SHMT2: variants seen among roughly 807,000 people sequenced by gnomAD.
SHMT2 encodes the protein serine hydroxymethyltransferase, mitochondrial.
Under a neutral mutation model 59.6 loss-of-function variants are expected in SHMT2, and 38 were observed. The observed-to-expected ratio is 0.64, with a 90% CI of 0.49 to 0.84. The LOEUF (loss-of-function observed/expected upper bound fraction) is 0.84. Ranked by LOEUF, SHMT2 falls within the 40% of genes least tolerant of loss-of-function variation. The pLI is 0.00. For missense variants in SHMT2, 533 were observed against 659.5 expected (o/e 0.81, Z 2.10); for synonymous variants, 254 against 258.1 (o/e 0.98, Z 0.15).
chr12:57,231,227 TTC>T (rs2037303917), intron 2 of SHMT2: 6 of 620,570 alleles, frequency 9.7e-6, no homozygotes, highest in South Asian at 6.0e-5. Context: ...GATCCCTTCC[TTC>T]CTTCCTCCTA....
chr12:57,232,969 G>A (rs988803830), intron 7 of SHMT2, 126 bp downstream of exon 7: 46 of 1,379,386 alleles, frequency 3.3e-5, no homozygotes, highest in Admixed American at 1.8e-4. Flanking sequence ...CCCAGTCTGT[G>A]AGAGTTCTCC....
Position 57,231,438 on chromosome 12 carries a change from G to A in SHMT2, c.232-43G>A, listed in dbSNP as rs2037313519. ...AGGGAGGGACTGTGGGAGTCCAGGG[G>A]AAGGGGCTCAATACCTTCTGACATT... On this transcript the variant is annotated intron_variant, in intron 2 of 11. Coordinates refer to ENST00000328923, the MANE Select transcript of SHMT2 (RefSeq NM_005412.6). 7 of 1,598,692 alleles carry A rather than the reference G, an allele frequency of 4.4e-6. No homozygotes were observed. The East Asian group carries it at 1.6e-4, about 36-fold the overall frequency.
rs1257829599 is a variant in SHMT2, at chr12:57,231,298, C to T, written c.232-183C>T. On this transcript the variant is annotated intron_variant, in intron 2 of 11. Transcript: ENST00000328923. ...GTGGGTAGGTGGCATTGAGGGGCCA[C>T]TGCTCATGGCAGATGGGTTTCTGAG... 1.9e-5 allele frequency: 13 copies of T among 667,546 alleles called. No individual in the cohort carries two copies. The East Asian group carries it at 3.5e-4, about 18-fold the overall frequency. The allele number at this position is 667,546 out of a possible 1,614,324, so 41.4% of individuals were successfully genotyped here. A position where few individuals can be genotyped will look rare whatever the true frequency, so the allele number is the denominator to read the frequency against.
At chr12:57,230,544 G>A in intron 1 of SHMT2, 1 of 1,360,780 alleles carries the variant, frequency 7.3e-7, no homozygotes, top group Non-Finnish European at 9.5e-7. Flanking sequence ...GCTTTGCAGA[G>A]TGGTTCATGG....
intron 4 of SHMT2, 36 bp downstream of exon 4, chr12:57,231,949 C>A (rs781698325): frequency 3.2e-6 from 5 of 1,572,750 alleles, no homozygotes; most frequent in Non-Finnish European, 4.3e-6. Context: ...GTCTTGGCGG[C>A]AGGATTGGTG....
intron 5 of SHMT2, 80 bp downstream of exon 5, chr12:57,232,372 C>A: frequency 1.9e-6 from 3 of 1,613,480 alleles, no homozygotes; most frequent in Non-Finnish European, 2.5e-6. Context: ...CCTGGAGCGC[C>A]GGGCCGTCCT....
chr12:57,233,241 A>T lies in SHMT2; in HGVS notation c.919A>T (p.Ile307Phe). The T allele has an allele frequency of 6.2e-7, 1 of 1,607,442 alleles. No homozygotes were observed. The highest frequency in any genetic ancestry group is 8.5e-7 in the Non-Finnish European group (1 of 1,175,958). Reference protein sequence around the residue: ...KAVDPKTGREIPYTFEDRINF... With the variant: ...KAVDPKTGREFPYTFEDRINF... ...TGTGGACCCCAAGACTGGCCGGGAG[A>T]TCCCTTACACATTTGAGGACCGAAT... is the stretch of plus-strand genomic sequence containing the variant. Residue 307 changes from isoleucine (I) to phenylalanine (F), a missense_variant, in exon 8 of 12, where the codon ATC becomes TTC. Ile to Phe is a conservative substitution (Grantham distance 21, BLOSUM62 0). Transcript: ENST00000328923.
At chr12:57,233,477 G>C in intron 8 of SHMT2, 86 bp from the exon 9 acceptor site, 1 of 1,515,956 alleles carries the variant, frequency 6.6e-7, no homozygotes, top group East Asian at 2.3e-5. Flanking sequence ...TGGGGTCACA[G>C]AGCTATGCTG....
chr12:57,232,380 C>A, intron 5 of SHMT2, 73 bp from the exon 6 acceptor site: 1 of 1,613,772 alleles, frequency 6.2e-7, no homozygotes, highest in Non-Finnish European at 8.5e-7. Flanking sequence ...GCCGGGCCGT[C>A]CTTAGGGTTA....
intron 4 of SHMT2, 89 bp from the exon 5 acceptor site, chr12:57,232,122 T>C (rs1373126973): frequency 2.3e-6 from 3 of 1,288,434 alleles, no homozygotes; most frequent in Non-Finnish European, 3.4e-6. Context: ...GGACTGGTGT[T>C]CTGGGGACAG....
rs1016797966 is a variant in SHMT2 at position 57,234,883 on chromosome 12, T to C, written c.*522T>C. 6.4e-6 allele frequency: 1 copy of C among 156,250 alleles called. No homozygotes were observed. Among genetic ancestry groups the C allele is most frequent in the Non-Finnish European group, 1.4e-5 (1 of 70,510 alleles). 9.7% of individuals were successfully genotyped at this position (156,250 alleles called of 1,614,324 possible). A position where few individuals can be genotyped will look rare whatever the true frequency, so the allele number is the denominator to read the frequency against. ...CTCTGATCAGAGCCGACACCAGACG[T>C]GATTAGCAGGCGCAGCAAATTCAAT... On this transcript the variant is annotated 3_prime_UTR_variant, in exon 12 of 12. Coordinates refer to ENST00000328923, the MANE Select transcript of SHMT2 (RefSeq NM_005412.6).
chr12:57,231,121 T>C (rs1397222936), intron 2 of SHMT2, 121 bp downstream of exon 2: 1 of 968,412 alleles, frequency 1.0e-6, no homozygotes, highest in Non-Finnish European at 1.6e-6. Flanking sequence ...TTGGGCTTTA[T>C]CTTCCTTTCT....
In SHMT2 at chr12:57,232,563, C is replaced by G; in HGVS notation, c.705C>G (p.Ala235=). The change falls in exon 6 of 12, where the codon GCC becomes GCG. Residue 235 remains alanine (A), a synonymous_variant. Coordinates refer to ENST00000328923, the MANE Select transcript of SHMT2 (RefSeq NM_005412.6). The part of the protein sequence containing the change: ...TSAYARLIDY[A]RMREVCDEVK... ...CCTATGCTCGCCTCATTGACTACGC[C>G]CGCATGAGAGAGGTTGGTGGGGGGG... 1 of 1,614,166 alleles carries G rather than the reference C, an allele frequency of 6.2e-7. No homozygotes were observed. The highest frequency in any genetic ancestry group is 8.5e-7 in the Non-Finnish European group (1 of 1,180,012).
chr12:57,232,415 T>C, intron 5 of SHMT2, 38 bp from the exon 6 acceptor site: 1 of 1,614,048 alleles, frequency 6.2e-7, no homozygotes, highest in Non-Finnish European at 8.5e-7. Flanking sequence ...CTGCCCTGCT[T>C]CCTTCTCAGG....
chr12:57,234,325 C>G lies in SHMT2; in HGVS notation c.1479C>G (p.Ala493=), dbSNP rs771511709. The G allele has an allele frequency of 4.3e-6, 7 of 1,612,224 alleles. No individual in the cohort carries two copies. The South Asian group carries it at 7.7e-5, about 18-fold the overall frequency. Residue 493 remains alanine, a synonymous_variant, in exon 12 of 12, where the codon GCC becomes GCG. Transcript: ENST00000328923. ...TCAGGCAACGGGTGGAGCAGTTTGC[C>G]AGGGCCTTCCCCATGCCTGGTTTTG... ...ANLRQRVEQF[A]RAFPMPGFDE...
In SHMT2 at chr12:57,231,760, A is replaced by G; in HGVS notation, c.359A>G (p.Gln120Arg). 1 of 1,614,212 alleles carries G rather than the reference A, an allele frequency of 6.2e-7. No homozygotes were observed. Among genetic ancestry groups the G allele is most frequent in the Non-Finnish European group, 8.5e-7 (1 of 1,180,036 alleles). ...GTGGATGAAATTGAGCTGCTGTGCC[A>G]GCGCCGGGCCTTGGAAGCCTTTGAC... ...EVVDEIELLC[Q>R]RRALEAFDLD... Residue 120 changes from glutamine (Q) to arginine (R), a missense_variant, in exon 4 of 12, where the codon CAG (glutamine) becomes CGG (arginine). Transcript: ENST00000328923.
chr12:57,233,406 A>C, intron 8 of SHMT2, 61 bp downstream of exon 8: 1 of 1,530,498 alleles, frequency 6.5e-7, no homozygotes, highest in Admixed American at 2.0e-5. Context: ...TAGACCCTGC[A>C]CCTTGCTAAC....
intron 5 of SHMT2, 35 bp downstream of exon 5, chr12:57,232,327 C>A (rs1168270374): frequency 1.2e-6 from 2 of 1,612,432 alleles, no homozygotes; most frequent in Admixed American, 1.7e-5. Flanking sequence ...GGGCTCTTGG[C>A]CCTGGTGGTG....
At chr12:57,232,113 G>A in intron 4 of SHMT2, 98 bp from the exon 5 acceptor site, 1 of 1,227,018 alleles carries the variant, frequency 8.1e-7, no homozygotes, top group Non-Finnish European at 1.2e-6. Context: ...TGTGTCCTAG[G>A]ACTGGTGTTC....
Sources: allele counts gnomAD v4.1 joint callset, GRCh38; gene constraint gnomAD v4.1.1; transcripts MANE v1.5; gene names NCBI Gene and HGNC (gene_info 2026-07-23, HGNC 2026-07-21).